Variants in PAX2 observed in about 807,000 individuals in gnomAD.
PAX2 encodes paired box 2.
A neutral mutation model predicts 41.7 loss-of-function variants in PAX2; 9 were observed. That is an observed-to-expected ratio of 0.22 (90% CI 0.13 to 0.38). The LOEUF is 0.38. Ranked by LOEUF, PAX2 falls within the 10% of genes least tolerant of loss-of-function variation. PAX2 has a pLI of 1.00. For missense variants in PAX2, 418 were observed against 531.6 expected (o/e 0.79, Z 2.10); for synonymous variants, 221 against 212.7 (o/e 1.04, Z -0.34).
intron 3 of PAX2, among the ~76,000 whole-genome samples, chr10:100,777,307 G>A (rs1009960923): frequency 2.6e-5 from 4 of 151,478 alleles, no homozygotes; most frequent in African/African-American, 4.9e-5. Context: ...CACCATGTTG[G>A]TCAGGTTGGT....
rs1158987891 is a variant in PAX2, at chr10:100,750,677, C to T, written c.213-17C>T. On this transcript the variant is annotated splice_polypyrimidine_tract_variant and intron_variant, in intron 2 of 9. Transcript: ENST00000355243. This position sits in a 1 kb window ranked among gnomAD's most constrained non-coding sequence, Gnocchi z 4.1. The stretch of plus-strand genomic sequence containing the variant: ...ACAGTCCGCTTCTGGCTGACCCCGC[C>T]GGCTTTCCCGGCGCAGGTACTACGA... 44 of 1,612,818 alleles carry T rather than the reference C, an allele frequency of 2.7e-5. No homozygotes were observed. The highest frequency in any genetic ancestry group is 3.3e-5 in the Admixed American group (2 of 60,000).
intron 3 of PAX2, among the ~76,000 whole-genome samples, chr10:100,771,336 T>C (rs1197880155): frequency 6.6e-6 from 1 of 152,142 alleles, no homozygotes; most frequent in Non-Finnish European, 1.5e-5. Context: ...GCCTGACATA[T>C]GGTCAGTTAT....
intron 4 of PAX2, among the ~76,000 whole-genome samples, chr10:100,779,861 T>C (rs888208200): frequency 3.9e-5 from 6 of 152,236 alleles, no homozygotes; most frequent in African/African-American, 1.4e-4. Context: ...GTTTTTCTTC[T>C]AGCATTTCTT....
At chr10:100,797,710 G>A (rs1847388305) in intron 5 of PAX2, among the ~76,000 whole-genome samples, 1 of 152,174 alleles carries the variant, frequency 6.6e-6, no homozygotes, top group Admixed American at 6.5e-5. Flanking sequence ...TGCAGAGAAA[G>A]GAGAAATTAA....
chr10:100,745,879 C>T lies in PAX2; in HGVS notation c.-382C>T, dbSNP rs1006495991. 4 of 1,116,958 alleles carry T rather than the reference C, an allele frequency of 3.6e-6. No homozygotes were observed. In the African/African-American group the frequency reaches 6.6e-5, roughly 18 times the overall value. The allele number at this position is 1,116,958 out of a possible 1,614,324, so 69.2% of individuals were successfully genotyped here. ...CGCGCGCTCTCCGACCACCGCCTCTCGGATGACCAGGTTCCAGGGGAGCTG... is the reference window on the plus strand; with the variant it reads ...CGCGCGCTCTCCGACCACCGCCTCTTGGATGACCAGGTTCCAGGGGAGCTG... On this transcript the variant is annotated 5_prime_UTR_variant, in exon 1 of 10. Coordinates refer to ENST00000355243, the MANE Select transcript of PAX2 (RefSeq NM_000278.5).
intron 1 of PAX2, among the ~76,000 whole-genome samples, chr10:100,738,757 A>G (rs1844853160): frequency 6.6e-6 from 1 of 152,132 alleles, no homozygotes; most frequent in African/African-American, 2.4e-5. Flanking sequence ...ACAGTTACAC[A>G]AAGTTAAGAA....
upstream of PAX2, among the ~76,000 whole-genome samples, chr10:100,744,227 A>T (rs187743312): frequency 3.3e-5 from 5 of 152,308 alleles, no homozygotes; most frequent in Admixed American, 3.3e-4. Context: ...GGAGCTGCAG[A>T]CGGGGGCTGG....
exon 1 of PAX2, chr10:100,735,554 C>G (rs1344349185): frequency 2.1e-6 from 1 of 485,296 alleles, no homozygotes; most frequent in African/African-American, 2.0e-5. Flanking sequence ...GCCGTGGCGG[C>G]GGGCGGCTCG....
rs898747855 is a variant in PAX2, at chr10:100,748,901, C to T, written c.44-845C>T. 3 of 985,386 alleles carry T rather than the reference C, an allele frequency of 3.0e-6. No homozygotes were observed. The Admixed American group carries it at 1.8e-4, about 60-fold the overall frequency. The allele number at this position is 985,386 out of a possible 1,614,324, so 61.0% of individuals were successfully genotyped here. A position where few individuals can be genotyped will look rare whatever the true frequency, so the allele number is the denominator to read the frequency against. On this transcript the variant is annotated intron_variant, in intron 1 of 9. Transcript: ENST00000355243. This position sits in a 1 kb window ranked among gnomAD's most constrained non-coding sequence, Gnocchi z 5.0. The stretch of plus-strand genomic sequence containing the variant: ...CGAGGCCTATGCCGTGCCACCTGGG[C>T]GAGACGGTGGGCCCCAACCAGGCTC...
At chr10:100,747,118 A>AGC (rs1413847959) in intron 1 of PAX2, 1 of 152,288 alleles carries the variant, frequency 6.6e-6, no homozygotes, top group Non-Finnish European at 1.5e-5. Context: ...GAGAGCCAGC[A>AGC]GCGCAGCCTT....
intron 6 of PAX2, among the ~76,000 whole-genome samples, chr10:100,807,561 C>T (rs1288775526): frequency 6.6e-6 from 1 of 152,242 alleles, no homozygotes; most frequent in African/African-American, 2.4e-5. Context: ...ACCCACAGCC[C>T]ACGGTACTCA....
chr10:100,753,045 G>C (rs1845497658), intron 3 of PAX2, among the ~76,000 whole-genome samples: 1 of 152,184 alleles, frequency 6.6e-6, no homozygotes, highest in Non-Finnish European at 1.5e-5. Context: ...TCACCTGAGG[G>C]GCACACAGGC....
rs1848712555 is a variant in PAX2, at chr10:100,829,522, G to T, written c.*1903G>T. ...CTGCATGTCTCCTCACCCGTGGATC[G>T]TGACGACTCGAAATAACAGAAACAA... On this transcript the variant is annotated 3_prime_UTR_variant, in exon 10 of 10. Transcript: ENST00000355243. 1 of 208,614 alleles carries T rather than the reference G, an allele frequency of 4.8e-6. No individual in the cohort carries two copies. Among genetic ancestry groups the T allele is most frequent in the African/African-American group, 2.3e-5 (1 of 43,956 alleles). 12.9% of individuals were successfully genotyped at this position (208,614 alleles called of 1,614,324 possible). A position where few individuals can be genotyped will look rare whatever the true frequency, so the allele number is the denominator to read the frequency against.
At chr10:100,797,453 T>C (rs1847379006) in intron 5 of PAX2, among the ~76,000 whole-genome samples, 1 of 152,210 alleles carries the variant, frequency 6.6e-6, no homozygotes, top group South Asian at 2.1e-4. Context: ...CATTTCCCCA[T>C]CTACAAAATG....
rs778563890 is a variant in PAX2, at chr10:100,779,241, C to T, written c.411-257C>T. On this transcript the variant is annotated intron_variant, in intron 3 of 9. Transcript: ENST00000355243. ...CTGATCTTTGCTACCAAAAATCAAA[C>T]AATAATTTGGGTGATGCACATAGCA... Among the ~76,000 whole-genome samples, 4 of 152,184 alleles carry T rather than the reference C, an allele frequency of 2.6e-5. No individual in the cohort carries two copies. The East Asian group carries it at 7.7e-4, about 29-fold the overall frequency.
At chr10:100,809,666 C>A (rs914181343) in intron 7 of PAX2, among the ~76,000 whole-genome samples, 4 of 152,232 alleles carry the variant, frequency 2.6e-5, no homozygotes, top group African/African-American at 9.6e-5. Flanking sequence ...GACCCGCTTA[C>A]CGCTCCCTCC....
intron 3 of PAX2, among the ~76,000 whole-genome samples, chr10:100,752,272 C>G (rs935499788): frequency 2.0e-5 from 3 of 152,228 alleles, no homozygotes; most frequent in Admixed American, 6.5e-5. Context: ...CCAGCTCCCT[C>G]GGCCTGGCTC....
At chr10:100,814,011 A>G (rs1848095220) in intron 7 of PAX2, among the ~76,000 whole-genome samples, 1 of 152,236 alleles carries the variant, frequency 6.6e-6, no homozygotes, top group Non-Finnish European at 1.5e-5. Context: ...GAACAATAGA[A>G]TAATCCAAAA....
Position 100,748,422 on chromosome 10 carries a change from G to C in PAX2, c.44-1324G>C. On this transcript the variant is annotated intron_variant, in intron 1 of 9. Transcript: ENST00000355243. The surrounding 1 kb of genome is among the most constrained non-coding windows in gnomAD (Gnocchi z 5.0). The stretch of plus-strand genomic sequence containing the variant: ...CAGGGTTTCACCGAGCTTGCTCTAG[G>C]TACCCCCCGAGAAAGGGAGGGGAGA... 1.0e-6 allele frequency: 1 copy of C among 985,162 alleles called. No individual in the cohort carries two copies. The highest frequency in any genetic ancestry group is 1.2e-6 in the Non-Finnish European group (1 of 829,856). 61.0% of individuals were successfully genotyped at this position (985,162 alleles called of 1,614,324 possible). A position where few individuals can be genotyped will look rare whatever the true frequency, so the allele number is the denominator to read the frequency against.
Sources: gnomAD v4.1 joint callset for allele counts (sites outside exome capture counted in the v4.1 genomes callset) on GRCh38, gnomAD v4.1.1 for gene constraint, Gnocchi (gnomAD v3.1) non-coding constraint, MANE v1.5 for transcripts, NCBI Gene and HGNC (gene_info 2026-07-23, HGNC 2026-07-21) for gene names.